Variants in ERH observed in about 807,000 individuals in gnomAD.
ERH encodes ERH mRNA splicing and mitosis factor.
Under a neutral mutation model 16.8 loss-of-function variants are expected in ERH, and 1 was observed. The observed-to-expected ratio is 0.06, with a 90% confidence interval of 0.02 to 0.28. The LOEUF (loss-of-function observed/expected upper bound fraction) is 0.28, where lower values mean the gene tolerates loss of function less well. Ranked by LOEUF, ERH falls within the 10% of genes least tolerant of loss-of-function variation. ERH has a pLI of 1.00. For synonymous variants in ERH, 43 were observed against 43.6 expected, an observed-to-expected ratio of 0.99 and a Z score of 0.05; for missense variants, 42 against 127.5, an observed-to-expected ratio of 0.33 and a Z score of 3.23.
intron 2 of ERH, among the ~76,000 whole-genome samples, chr14:69,388,396 T>C (rs1331930294): frequency 6.6e-6 from 1 of 152,150 alleles, no homozygotes; most frequent in Non-Finnish European, 1.5e-5. Context: ...GTTTTGCTCT[T>C]GTTGCCCAGG....
chr14:69,381,515 C>T (rs116816594), intron 3 of ERH, among the ~76,000 whole-genome samples: 5 of 151,514 alleles, frequency 3.3e-5, no homozygotes, highest in South Asian at 2.1e-4. Flanking sequence ...CTAATCAGAA[C>T]GAAAAGGAGT....
At chr14:69,382,794 G>GAAA (rs57755714) in intron 3 of ERH, among the ~76,000 whole-genome samples, 2 of 120,072 alleles carry the variant, frequency 1.7e-5, no homozygotes, top group Non-Finnish European at 1.8e-5. Context: ...ATCTCCAAAA[G>GAAA]AAAAAAAAAA....
At chr14:69,385,161 C>T (rs1279434927) in intron 3 of ERH, among the ~76,000 whole-genome samples, 1 of 152,130 alleles carries the variant, frequency 6.6e-6, no homozygotes, top group Non-Finnish European at 1.5e-5. Flanking sequence ...CAACCTTTAG[C>T]AAAATCTTTA....
intron 3 of ERH, among the ~76,000 whole-genome samples, chr14:69,383,435 G>A (rs1488410954): frequency 1.3e-5 from 2 of 152,244 alleles, no homozygotes; most frequent in Non-Finnish European, 2.9e-5. Context: ...GGTCTGAGGA[G>A]TAACGGCCCA....
chr14:69,392,193 G>A, intron 2 of ERH, among the ~76,000 whole-genome samples: 1 of 148,798 alleles, frequency 6.7e-6, no homozygotes, highest in Non-Finnish European at 1.5e-5. Flanking sequence ...GATCTACAGG[G>A]GAATATTTAC....
intron 1 of ERH, among the ~76,000 whole-genome samples, chr14:69,395,584 T>C (rs754951478): frequency 2.6e-5 from 4 of 152,214 alleles, no homozygotes; most frequent in Non-Finnish European, 5.9e-5. Flanking sequence ...GATGGGCTGA[T>C]GAAAGGAAAC....
intron 2 of ERH, among the ~76,000 whole-genome samples, chr14:69,390,809 C>T (rs113748296): frequency 6.6e-6 from 1 of 152,162 alleles, no homozygotes; most frequent in Admixed American, 6.5e-5. Flanking sequence ...CAAAGAACTC[C>T]TAAAACTTAA....
At chr14:69,397,119 A>G (rs1882360185) in intron 1 of ERH, among the ~76,000 whole-genome samples, 1 of 152,226 alleles carries the variant, frequency 6.6e-6, no homozygotes. Context: ...AAAGTTTACT[A>G]TTTTCAGTAC....
chr14:69,389,123 C>G (rs142266592), intron 2 of ERH, among the ~76,000 whole-genome samples: 2 of 151,968 alleles, frequency 1.3e-5, no homozygotes, highest in Admixed American at 6.5e-5. Flanking sequence ...CGGATTCAAG[C>G]GATTCTCTTG....
At chr14:69,386,526 T>C (rs2140230537) in intron 3 of ERH, 1 of 153,084 alleles carries the variant, frequency 6.5e-6, no homozygotes, top group Middle Eastern at 3.4e-3. Context: ...AAAATCTCAC[T>C]CTAACATACC....
At chr14:69,398,128 C>T in intron 1 of ERH, 103 bp downstream of exon 1, 1 of 1,329,368 alleles carries the variant, frequency 7.5e-7, no homozygotes, top group Non-Finnish European at 1.0e-6. Context: ...GGGAGCATCA[C>T]GCGGCGCTGC....
At chr14:69,394,493 G>A (rs1186311834) in intron 2 of ERH, among the ~76,000 whole-genome samples, 1 of 152,238 alleles carries the variant, frequency 6.6e-6, no homozygotes, top group Admixed American at 6.5e-5. Context: ...CTACTTGGGA[G>A]GCTGAGGCAC....
Position 69,380,514 on chromosome 14 carries a change from A to ACC in ERH, c.*22_*23dup. The ACC allele has an allele frequency of 8.2e-7, 1 of 1,219,016 alleles. No homozygotes were observed. Among genetic ancestry groups the ACC allele is most frequent in the Non-Finnish European group, 1.2e-6 (1 of 822,444 alleles). 75.5% of individuals were successfully genotyped at this position (1,219,016 alleles called of 1,614,324 possible). A position where few individuals can be genotyped will look rare whatever the true frequency, so the allele number is the denominator to read the frequency against. Reference sequence around the variant, plus strand: ...ACACCTGTGTTCCAAGCCCACCCCAACCCCCCCAGTGCTTCCAACACAATT... The same window carrying ACC: ...ACACCTGTGTTCCAAGCCCACCCCAACCCCCCCCCAGTGCTTCCAACACAATT... On this transcript the variant is annotated 3_prime_UTR_variant, in exon 4 of 4. Coordinates refer to ENST00000557016, the MANE Select transcript of ERH (RefSeq NM_004450.3).
At chr14:69,391,563 G>A (rs973980748) in intron 2 of ERH, among the ~76,000 whole-genome samples, 11 of 145,598 alleles carry the variant, frequency 7.6e-5, no homozygotes, top group African/African-American at 2.6e-4. Context: ...CAGGAGAATC[G>A]CTTGAACCAG....
chr14:69,386,466 A>C (rs2045893876), intron 3 of ERH, among the ~76,000 whole-genome samples: 1 of 152,268 alleles, frequency 6.6e-6, no homozygotes, highest in African/African-American at 2.4e-5. Flanking sequence ...GCTCCTTGTT[A>C]GTAATTGTCA....
intron 2 of ERH, 143 bp downstream of exon 2, chr14:69,394,682 A>G: frequency 1.8e-6 from 1 of 560,054 alleles, no homozygotes; most frequent in South Asian, 2.4e-5. Context: ...TCCTAAAATT[A>G]GCAATTCAAT....
intron 2 of ERH, among the ~76,000 whole-genome samples, chr14:69,394,462 G>A (rs113739415): frequency 0.035 from 5,320 of 152,220 alleles, 323 homozygotes; most frequent in African/African-American, 0.12. Context: ...TGGGTGTGGT[G>A]GCCCATGCCT....
rs139837242 is a variant in ERH at position 69,391,466 on chromosome 14, T to C, written c.91+3359A>G. 3.2e-3 allele frequency among the ~76,000 whole-genome samples: 477 copies of C among 151,344 alleles called. 4 individuals are homozygous for C. Among genetic ancestry groups the C allele is most frequent in the African/African-American group, 0.011 (463 of 41,252 alleles). ...TTTGAGACCAGCCTGGCCTACACAG[T>C]AAAACCCGTCTCTACTAAAAATACA... On this transcript the variant is annotated intron_variant, in intron 2 of 3. Coordinates refer to ENST00000557016, the MANE Select transcript of ERH (RefSeq NM_004450.3).
At chr14:69,387,166 T>C (rs1225482442) in intron 2 of ERH, 83 bp from the exon 3 acceptor site, 10 of 1,101,064 alleles carry the variant, frequency 9.1e-6, no homozygotes, top group Non-Finnish European at 1.2e-5. Context: ...CTGTGCTATA[T>C]GTTGATATCA....
Sources: allele counts gnomAD v4.1 joint callset (sites outside exome capture counted in the v4.1 genomes callset), GRCh38; gene constraint gnomAD v4.1.1; transcripts MANE v1.5; gene names NCBI Gene and HGNC (gene_info 2026-07-23, HGNC 2026-07-21).